The following DYNC2H1 variants were observed in gnomAD, a reference collection of about 807,000 sequenced individuals.
The protein encoded by DYNC2H1 is dynein cytoplasmic 2 heavy chain 1, also known as cytoplasmic dynein 2 heavy chain 1.
A neutral mutation model predicts 570.0 loss-of-function variants in DYNC2H1; 410 were observed. That is an observed-to-expected ratio of 0.72 (90% confidence interval 0.66 to 0.78). The LOEUF (loss-of-function observed/expected upper bound fraction) is 0.78. Ranked by LOEUF, DYNC2H1 falls within the 30% of genes least tolerant of loss-of-function variation. The pLI is 0.00. For synonymous variants in DYNC2H1, 1,688 were observed against 1,677.6 expected (o/e 1.01, Z -0.15); for missense variants, 4,865 against 5,046.4 (o/e 0.96, Z 1.09).
At chr11:103,125,428 C>G (rs1858946009) in intron 12 of DYNC2H1, 133 bp downstream of exon 12, 1 of 610,262 alleles carries the variant, frequency 1.6e-6, no homozygotes, top group African/African-American at 2.1e-5. Context: ...TTATGTTTTA[C>G]TAAATGAGTC....
In DYNC2H1 at chr11:103,161,016, A is replaced by G; in HGVS notation, c.4463A>G (p.Asn1488Ser). 6.5e-7 allele frequency: 1 copy of G among 1,531,746 alleles called. No homozygotes were observed. Among genetic ancestry groups the G allele is most frequent in the Admixed American group, 2.2e-5 (1 of 45,642 alleles). 94.9% of individuals were successfully genotyped at this position (1,531,746 alleles called of 1,614,324 possible). The change falls in exon 29 of 89, where the codon AAT becomes AGT. Residue 1488 changes from asparagine to serine, a missense_variant. Coordinates refer to ENST00000375735, the MANE Select transcript of DYNC2H1 (RefSeq NM_001377.3). ...GAGGGAGAAGTTGTACCTTTTAAAA[A>G]TAAAGTTCCTCTATCAAATAATGTA... ...SLEGEVVPFK[N>S]KVPLSNNVET...
At position 103,286,380 on chromosome 11, in the gene DYNC2H1, T is replaced by C. The variant is rs1169257691; in HGVS notation, c.11016T>C (p.Phe3672=). 6.2e-7 allele frequency: 1 copy of C among 1,610,566 alleles called. No individual in the cohort carries two copies. Among genetic ancestry groups the C allele is most frequent in the South Asian group, 1.1e-5 (1 of 89,640 alleles). ...TCCTTGCAAAGAAAGTTTCCTTATT[T>C]CAGCAGGTAAAATTTAGTGTTATCT... ...PSILAKKVSL[F]QQILVVQALR... is the part of the protein sequence containing the mutation. Residue 3672 remains phenylalanine, a synonymous_variant, in exon 74 of 89, where the codon TTT becomes TTC. Coordinates refer to ENST00000375735, the MANE Select transcript of DYNC2H1 (RefSeq NM_001377.3).
chr11:103,150,828 T>C (rs930354836), intron 20 of DYNC2H1, among the ~76,000 whole-genome samples: 1 of 151,808 alleles, frequency 6.6e-6, no homozygotes, highest in African/African-American at 2.4e-5. Flanking sequence ...AAAGGAGAGA[T>C]TGATGTTGTT....
intron 87 of DYNC2H1, among the ~76,000 whole-genome samples, chr11:103,459,695 G>GT (rs1184070910): frequency 9.9e-5 from 15 of 152,032 alleles, no homozygotes; most frequent in African/African-American, 3.4e-4. Flanking sequence ...GCTCACGCCT[G>GT]TAATCCCAGC....
chr11:103,120,830 A>G, intron 8 of DYNC2H1, 28 bp downstream of exon 8: 3 of 1,356,364 alleles, frequency 2.2e-6, no homozygotes, highest in Non-Finnish European at 2.9e-6. Context: ...TTCACTTTTA[A>G]TATTTCTCTT....
chr11:103,433,034 T>C (rs1340928959), intron 84 of DYNC2H1, among the ~76,000 whole-genome samples: 1 of 152,146 alleles, frequency 6.6e-6, no homozygotes, highest in African/African-American at 2.4e-5. Flanking sequence ...GATATATAAT[T>C]TATTCATAAA....
At position 103,154,642 on chromosome 11, in the gene DYNC2H1, G is replaced by C. The variant is rs1391309604; in HGVS notation, c.3458+36G>C. On this transcript the variant is annotated intron_variant, in intron 23 of 88. Transcript: ENST00000375735. ...AAAACAATATTTAGACTAATAATTT[G>C]GTTGTTTTATTTTTGGATGTAATCT... The C allele has an allele frequency of 1.9e-6, 3 of 1,574,002 alleles. No homozygotes were observed. The African/African-American group carries it at 4.1e-5, about 21-fold the overall frequency.
chr11:103,126,336 G>A (rs1270196647), intron 12 of DYNC2H1, among the ~76,000 whole-genome samples: 1 of 152,094 alleles, frequency 6.6e-6, no homozygotes, highest in Non-Finnish European at 1.5e-5. Context: ...ATATCCAGTA[G>A]CATCTGCTTA....
chr11:103,475,252 G>A (rs1359061161), intron 88 of DYNC2H1, among the ~76,000 whole-genome samples: 1 of 152,052 alleles, frequency 6.6e-6, no homozygotes, highest in Non-Finnish European at 1.5e-5. Context: ...AACTTTGGAG[G>A]AAATATAATG....
intron 26 of DYNC2H1, 108 bp downstream of exon 26, chr11:103,156,878 CTG>C (rs1860859902): frequency 8.1e-6 from 11 of 1,351,638 alleles, no homozygotes; most frequent in African/African-American, 1.5e-5. Flanking sequence ...TTGGTATCCT[CTG>C]TGTATTCAAA....
chr11:103,257,760 T>A lies in DYNC2H1; in HGVS notation c.10605+9T>A. ...CTCTACAAAACAAACAGGTAAGCTG[T>A]TGGATACCCTGTACCAGAGACTGAA... On this transcript the variant is annotated intron_variant, in intron 69 of 88. Transcript: ENST00000375735. 6.4e-7 allele frequency: 1 copy of A among 1,572,556 alleles called. No individual in the cohort carries two copies. The highest frequency in any genetic ancestry group is 1.2e-5 in the South Asian group (1 of 84,324).
intron 77 of DYNC2H1, among the ~76,000 whole-genome samples, chr11:103,307,353 T>A (rs1867340735): frequency 6.6e-6 from 1 of 152,244 alleles, no homozygotes; most frequent in South Asian, 2.1e-4. Context: ...CAATTGTAGC[T>A]AACACTTACT....
chr11:103,328,700 G>GATTA (rs1169387142), intron 82 of DYNC2H1, among the ~76,000 whole-genome samples: 2 of 152,166 alleles, frequency 1.3e-5, no homozygotes, highest in African/African-American at 4.8e-5. Flanking sequence ...GCAAATTGTT[G>GATTA]ATTATACTTA....
rs1167716735 is a variant in DYNC2H1, at chr11:103,252,318, GGA to G, written c.10043-965_10043-964del. 1.3e-5 allele frequency among the ~76,000 whole-genome samples: 2 copies of G among 151,998 alleles called. No individual in the cohort carries two copies. Among genetic ancestry groups the G allele is most frequent in the Non-Finnish European group, 2.9e-5 (2 of 68,002 alleles). On this transcript the variant is annotated intron_variant, in intron 65 of 88. Transcript: ENST00000375735. This position sits in a 1 kb window ranked among gnomAD's most constrained non-coding sequence, Gnocchi z 4.6. ...TTGTGAATAATGCTGTGAAGAAATG[GGA>G]GTGCAGATATCTTTATGAGGTGGTG...
chr11:103,476,680 G>A (rs1227362075), intron 88 of DYNC2H1, among the ~76,000 whole-genome samples: 1 of 152,004 alleles, frequency 6.6e-6, no homozygotes, highest in Non-Finnish European at 1.5e-5. Context: ...AATTTTTTGG[G>A]GGACATACTG....
In DYNC2H1 at chr11:103,325,120, T is replaced by C. The variant is rs1938405377; in HGVS notation, c.12039+1130T>C. ...ATAGATTCTGGACATTGGACCTTTG[T>C]TGAGTACTTAGTTTGCAAACATTTT... On this transcript the variant is annotated intron_variant, in intron 82 of 88. Transcript: ENST00000375735. The surrounding 1 kb of genome is among the most constrained non-coding windows in gnomAD (Gnocchi z 4.8). 6.6e-6 allele frequency among the ~76,000 whole-genome samples: 1 copy of C among 152,254 alleles called. No individual in the cohort carries two copies. The highest frequency in any genetic ancestry group is 1.5e-5 in the Non-Finnish European group (1 of 68,034).
rs1186222784 is a variant in DYNC2H1, at chr11:103,334,399, T to G, written c.12039+10409T>G. 1.3e-5 allele frequency among the ~76,000 whole-genome samples: 2 copies of G among 152,164 alleles called. No individual in the cohort carries two copies. The highest frequency in any genetic ancestry group is 4.8e-5 in the African/African-American group (2 of 41,450). On this transcript the variant is annotated intron_variant, in intron 82 of 88. Transcript: ENST00000375735. The surrounding 1 kb of genome is among the most constrained non-coding windows in gnomAD (Gnocchi z 4.3). ...ATATCTGTTGTAAATCAATTATAAA[T>G]TGTAAATCAATTGTAAATTGGATAA...
In DYNC2H1 at chr11:103,326,698, C is replaced by G. The variant is rs1334289582; in HGVS notation, c.12039+2708C>G. Among the ~76,000 whole-genome samples, 1 of 152,202 alleles carries G rather than the reference C, an allele frequency of 6.6e-6. No individual in the cohort carries two copies. Among genetic ancestry groups the G allele is most frequent in the African/African-American group, 2.4e-5 (1 of 41,468 alleles). On this transcript the variant is annotated intron_variant, in intron 82 of 88. Coordinates refer to ENST00000375735, the MANE Select transcript of DYNC2H1 (RefSeq NM_001377.3). This position sits in a 1 kb window ranked among gnomAD's most constrained non-coding sequence, Gnocchi z 6.1. ...GGCTGTGGAGGCTGCGTTGTGCACACGATCCTGCGGGGTGGCTATGGAGGG... is the reference window on the plus strand; with the variant it reads ...GGCTGTGGAGGCTGCGTTGTGCACAGGATCCTGCGGGGTGGCTATGGAGGG...
chr11:103,158,629 C>G, intron 26 of DYNC2H1, 48 bp from the exon 27 acceptor site: 1 of 1,457,214 alleles, frequency 6.9e-7, no homozygotes, highest in Non-Finnish European at 9.2e-7. Flanking sequence ...TTTCTTACCC[C>G]CCCAAATTGT....
Sources: gnomAD v4.1 joint callset for allele counts (sites outside exome capture counted in the v4.1 genomes callset) on GRCh38, gnomAD v4.1.1 for gene constraint, Gnocchi (gnomAD v3.1) non-coding constraint, MANE v1.5 for transcripts, NCBI Gene and HGNC (gene_info 2026-07-23, HGNC 2026-07-21) for gene names.